The following UBE2R2 variants were observed in gnomAD, a reference collection of about 807,000 sequenced individuals.
UBE2R2 encodes ubiquitin-conjugating enzyme E2 R2.
UBE2R2 carries 1 observed loss-of-function variant against 27.8 expected under a neutral mutation model. The ratio of observed to expected loss-of-function variants is 0.04; its 90% CI spans 0.01 to 0.17. The LOEUF (loss-of-function observed/expected upper bound fraction) is 0.17. UBE2R2 is among the 10% of genes least tolerant of loss of function. UBE2R2 has a pLI of 1.00. For missense variants in UBE2R2, 100 were observed against 291.0 expected (o/e 0.34, Z 4.78); for synonymous variants, 106 against 113.3 (o/e 0.94, Z 0.41).
At chr9:33,877,815 G>GTCTCTCTCTCTCTCTCTC (rs1439369271) in intron 1 of UBE2R2, among the ~76,000 whole-genome samples, 4 of 95,732 alleles carry the variant, frequency 4.2e-5, no homozygotes, top group Non-Finnish European at 2.2e-5. Context: ...CTGTCTGTCT[G>GTCTCTCTCTCTCTCTCTC]TCTGTCTGTC....
chr9:33,916,942 A>T, intron 4 of UBE2R2, 76 bp from the exon 5 acceptor site: 1 of 1,557,992 alleles, frequency 6.4e-7, no homozygotes, highest in Non-Finnish European at 8.7e-7. Context: ...AGTAATATTG[A>T]TTATTTAAGG....
At position 33,838,953 on chromosome 9, in the gene UBE2R2, G is replaced by A. The variant is rs548490931; in HGVS notation, c.177+21019G>A. Among the ~76,000 whole-genome samples, 8 of 151,844 alleles carry A rather than the reference G, an allele frequency of 5.3e-5. No individual in the cohort carries two copies. In the South Asian group the frequency reaches 8.3e-4, roughly 16 times the overall value. On this transcript the variant is annotated intron_variant, in intron 1 of 4. Transcript: ENST00000263228. ...AAAAACTAGCCGAGCATGGTGGAGC[G>A]CACCTGTAATCCCAGCTACTCGGGA...
At chr9:33,878,148 A>G (rs1019596070) in intron 1 of UBE2R2, among the ~76,000 whole-genome samples, 4 of 152,184 alleles carry the variant, frequency 2.6e-5, no homozygotes, top group Non-Finnish European at 5.9e-5. Flanking sequence ...CAAACGCATT[A>G]AATAAGTACT....
At chr9:33,871,771 C>T (rs1183238010) in intron 1 of UBE2R2, among the ~76,000 whole-genome samples, 2 of 152,132 alleles carry the variant, frequency 1.3e-5, no homozygotes, top group African/African-American at 2.4e-5. Context: ...AGTACAGTGG[C>T]GTGATCTTGG....
chr9:33,824,140 T>C (rs1820241804), intron 1 of UBE2R2, among the ~76,000 whole-genome samples: 1 of 152,230 alleles, frequency 6.6e-6, no homozygotes, highest in Non-Finnish European at 1.5e-5. Context: ...GCTTTTATCC[T>C]GTTTAGTTGA....
At position 33,918,414 on chromosome 9, in the gene UBE2R2, C is replaced by CT. The variant is rs1822710192; in HGVS notation, c.*1179dup. The CT allele has an allele frequency of 2.0e-5, 3 of 151,792 alleles. No individual in the cohort carries two copies. Among genetic ancestry groups the CT allele is most frequent in the African/African-American group, 7.3e-5 (3 of 41,282 alleles). 9.4% of individuals were successfully genotyped at this position (151,792 alleles called of 1,614,324 possible). A position where few individuals can be genotyped will look rare whatever the true frequency, so the allele number is the denominator to read the frequency against. ...GAACTTTTTTTCTCCTTTCAACATA[C>CT]TTAGGCTGTGGAGTGCAAGCAGAAT... On this transcript the variant is annotated 3_prime_UTR_variant, in exon 5 of 5. Coordinates refer to ENST00000263228, the MANE Select transcript of UBE2R2 (RefSeq NM_017811.4).
At chr9:33,901,098 G>T (rs909382807) in intron 3 of UBE2R2, among the ~76,000 whole-genome samples, 1 of 152,088 alleles carries the variant, frequency 6.6e-6, no homozygotes, top group African/African-American at 2.4e-5. Flanking sequence ...TGTGACTATA[G>T]GTGTATGCCA....
chr9:33,878,940 C>T (rs182275856), intron 1 of UBE2R2, among the ~76,000 whole-genome samples: 39 of 152,206 alleles, frequency 2.6e-4, no homozygotes, highest in Middle Eastern at 3.4e-3. Flanking sequence ...GCTTTTCCCT[C>T]GGTCCCACTA....
intron 1 of UBE2R2, among the ~76,000 whole-genome samples, chr9:33,843,574 G>A (rs530480780): frequency 1.3e-5 from 2 of 151,726 alleles, no homozygotes; most frequent in African/African-American, 2.4e-5. Flanking sequence ...TGCCTCCTGG[G>A]TTTGAGCGAT....
chr9:33,890,522 C>T (rs1317699573), intron 2 of UBE2R2, among the ~76,000 whole-genome samples: 3 of 151,048 alleles, frequency 2.0e-5, no homozygotes, highest in Non-Finnish European at 4.4e-5. Flanking sequence ...GAGCTGAGAT[C>T]GAGCTAAGGC....
chr9:33,884,572 T>C (rs987458066), intron 1 of UBE2R2, among the ~76,000 whole-genome samples: 10 of 152,074 alleles, frequency 6.6e-5, no homozygotes, highest in African/African-American at 1.9e-4. Flanking sequence ...GCCACCACTT[T>C]TTGTGGATTT....
intron 2 of UBE2R2, among the ~76,000 whole-genome samples, chr9:33,887,775 C>G (rs1482926012): frequency 1.3e-5 from 2 of 152,176 alleles, no homozygotes; most frequent in Non-Finnish European, 2.9e-5. Flanking sequence ...GCTCCCAGTT[C>G]AAGCAGTTCT....
chr9:33,837,421 T>TTC (rs71925756), intron 1 of UBE2R2, among the ~76,000 whole-genome samples: 33 of 56,596 alleles, frequency 5.8e-4, no homozygotes, highest in Non-Finnish European at 1.0e-3. Flanking sequence ...CTGCTGCTTC[T>TTC]TTTTTTTTTT....
chr9:33,821,620 A>AT (rs879400460), intron 1 of UBE2R2, among the ~76,000 whole-genome samples: 145 of 145,914 alleles, frequency 9.9e-4, no homozygotes, highest in East Asian at 2.8e-3. Flanking sequence ...ACAAAAAAAA[A>AT]TTTTTTTTTT....
chr9:33,883,017 A>C (rs1207763662), intron 1 of UBE2R2, among the ~76,000 whole-genome samples: 3 of 152,096 alleles, frequency 2.0e-5, no homozygotes, highest in Non-Finnish European at 2.9e-5. Flanking sequence ...TGAACCCAGG[A>C]AGTGGAAGTT....
chr9:33,825,244 C>CTTTTTT (rs71506138), intron 1 of UBE2R2, among the ~76,000 whole-genome samples: 9 of 119,638 alleles, frequency 7.5e-5, no homozygotes, highest in African/African-American at 1.7e-4. Context: ...AAAAGCAAAG[C>CTTTTTT]TTTTTTTTTT....
chr9:33,824,974 T>G (rs1409664040), intron 1 of UBE2R2, among the ~76,000 whole-genome samples: 1 of 152,128 alleles, frequency 6.6e-6, no homozygotes, highest in Non-Finnish European at 1.5e-5. Context: ...GATTATTTCT[T>G]CCTGGATTGA....
Position 33,882,203 on chromosome 9 carries a change from C to CT in UBE2R2, c.178-4674dup, listed in dbSNP as rs759694391. Among the ~76,000 whole-genome samples the CT allele has an allele frequency of 3.3e-5, 5 of 152,248 alleles. No homozygotes were observed. The South Asian group carries it at 1.0e-3, about 32-fold the overall frequency. ...GCATTATAAGATGCTCTAGGCTTGT[C>CT]TTTTATTTTTCCTGCCACAGATCTA... is the stretch of plus-strand genomic sequence containing the variant. On this transcript the variant is annotated intron_variant, in intron 1 of 4. Transcript: ENST00000263228.
chr9:33,836,497 T>A (rs2130733623), intron 1 of UBE2R2, among the ~76,000 whole-genome samples: 1 of 152,276 alleles, frequency 6.6e-6, no homozygotes, highest in East Asian at 1.9e-4. Flanking sequence ...GGCTCATGCC[T>A]ATGATCCCAG....
Sources: allele counts gnomAD v4.1 joint callset (sites outside exome capture counted in the v4.1 genomes callset), GRCh38; gene constraint gnomAD v4.1.1; transcripts MANE v1.5; gene names NCBI Gene and HGNC (gene_info 2026-07-23, HGNC 2026-07-21).